Variants in AGPAT2 observed in about 807,000 individuals in gnomAD.
AGPAT2 encodes the protein 1-acylglycerol-3-phosphate O-acyltransferase 2.
In AGPAT2, 18 loss-of-function variants were observed where a neutral mutation model predicts 26.1. That is an observed-to-expected ratio of 0.69 (90% CI 0.48 to 1.02). The LOEUF (loss-of-function observed/expected upper bound fraction) is 1.02. Among genes scored for constraint, AGPAT2 ranks in the 50% least tolerant of loss-of-function variants. AGPAT2 has a pLI of 0.00. For missense variants in AGPAT2, 415 were observed against 394.9 expected (o/e 1.05, Z -0.43); for synonymous variants, 200 against 174.2 (o/e 1.15, Z -1.16).
chr9:136,673,735 C>A lies in AGPAT2; in HGVS notation c.*17G>T, dbSNP rs768871491. The A allele has an allele frequency of 6.4e-7, 1 of 1,561,362 alleles. No homozygotes were observed. The highest frequency in any genetic ancestry group is 1.2e-5 in the South Asian group (1 of 84,916). On this transcript the variant is annotated 3_prime_UTR_variant, in exon 6 of 6. Transcript: ENST00000371696. ...TTCCACCTGCCCTCCCCAGGTCATG[C>A]CCTGCCGTGGTCTGGGCTACTGGGC...
At chr9:136,681,694 C>T (rs1441458935) in intron 1 of AGPAT2, among the ~76,000 whole-genome samples, 4 of 152,098 alleles carry the variant, frequency 2.6e-5, no homozygotes, top group East Asian at 3.9e-4. Flanking sequence ...CCCAGCTACT[C>T]GGGAGGCTGA....
intron 4 of AGPAT2, among the ~76,000 whole-genome samples, chr9:136,675,438 G>C (rs1846079188): frequency 1.7e-5 from 1 of 57,386 alleles, no homozygotes; most frequent in African/African-American, 5.2e-5. Context: ...GCAGCAGGAA[G>C]GGAGGAGGCC....
chr9:136,684,934 G>A (rs756894227), intron 1 of AGPAT2, among the ~76,000 whole-genome samples: 27 of 152,246 alleles, frequency 1.8e-4, no homozygotes, highest in Admixed American at 1.2e-3. Context: ...GTGACAAAGC[G>A]CCTGCTCTTC....
chr9:136,680,994 C>T (rs1236699845), intron 1 of AGPAT2, among the ~76,000 whole-genome samples: 2 of 152,176 alleles, frequency 1.3e-5, no homozygotes, highest in Admixed American at 1.3e-4. Context: ...GTATAACACG[C>T]ACCACCTAAA....
At chr9:136,678,919 G>T (rs1165953171) in intron 1 of AGPAT2, among the ~76,000 whole-genome samples, 1 of 152,088 alleles carries the variant, frequency 6.6e-6, no homozygotes, top group East Asian at 1.9e-4. Context: ...CACCTCGCTA[G>T]TTTTTGTATT....
At position 136,673,474 on chromosome 9, in the gene AGPAT2, C is replaced by T. The variant is rs973705199; in HGVS notation, c.*278G>A. 4 of 342,120 alleles carry T rather than the reference C, an allele frequency of 1.2e-5. No individual in the cohort carries two copies. The highest frequency in any genetic ancestry group is 9.3e-5 in the East Asian group (2 of 21,564). 21.2% of individuals were successfully genotyped at this position (342,120 alleles called of 1,614,324 possible). A position where few individuals can be genotyped will look rare whatever the true frequency, so the allele number is the denominator to read the frequency against. ...GCTCAGCCCACCAGCGGGCCACAGC[C>T]GCAAGCCTCATCTTTATCATCCCAG... On this transcript the variant is annotated 3_prime_UTR_variant, in exon 6 of 6. Transcript: ENST00000371696.
rs201263144 is a variant in AGPAT2, at chr9:136,677,415, C to T, written c.316+8G>A. The T allele has an allele frequency of 1.8e-5, 29 of 1,613,198 alleles. No individual in the cohort carries two copies. Among genetic ancestry groups the T allele is most frequent in the South Asian group, 1.6e-4 (15 of 91,088 alleles). On this transcript the variant is annotated splice_region_variant and intron_variant, in intron 2 of 5. Coordinates refer to ENST00000371696, the MANE Select transcript of AGPAT2 (RefSeq NM_006412.4). ...AACCCCAGAAGCCACCCCCGAGGCC[C>T]GGCCTACCCATCATGTCCAGGATGC...
Position 136,683,152 on chromosome 9 carries a change from GGC to G in AGPAT2, c.182+4022_182+4023del, listed in dbSNP as rs369907455. Among the ~76,000 whole-genome samples, 115 of 152,188 alleles carry G rather than the reference GGC, an allele frequency of 7.6e-4. No homozygotes were observed. The East Asian group carries it at 0.018, about 23-fold the overall frequency. On this transcript the variant is annotated intron_variant, in intron 1 of 5. Transcript: ENST00000371696. The stretch of plus-strand genomic sequence containing the variant: ...TGACCCCAGCACTTTGGGAGGCTGA[GGC>G]AGACGGATCACTTGAGCTCAGGGGT...
At chr9:136,686,624 T>C (rs1004962970) in intron 1 of AGPAT2, among the ~76,000 whole-genome samples, 4 of 151,388 alleles carry the variant, frequency 2.6e-5, no homozygotes, top group African/African-American at 9.7e-5. Context: ...CCCCTCCGGG[T>C]CCCCCACCTC....
chr9:136,687,141 G>A (rs1279277026), intron 1 of AGPAT2, 35 bp downstream of exon 1: 1 of 1,562,164 alleles, frequency 6.4e-7, no homozygotes, highest in Non-Finnish European at 8.6e-7. Flanking sequence ...CGGCGCGGCG[G>A]TTCCCCGGCC....
In AGPAT2 at chr9:136,677,051, G is replaced by T; in HGVS notation, c.402C>A (p.Tyr134Ter). The T allele has an allele frequency of 6.2e-7, 1 of 1,613,240 alleles. No individual in the cohort carries two copies. The highest frequency in any genetic ancestry group is 8.5e-7 in the Non-Finnish European group (1 of 1,179,994). Residue 134 changes from tyrosine (Y) to a stop codon, truncating the protein, a stop_gained, in exon 3 of 6, where the codon TAC becomes TAA. Coordinates refer to ENST00000371696, the MANE Select transcript of AGPAT2 (RefSeq NM_006412.4). LOFTEE classifies it high-confidence loss of function. ...LFLGPVGLIM[Y>*]LGGVFFINRQ... Reference sequence around the variant, plus strand: ...GGTTGATGAAGAAGACGCCCCCGAGGTACATGATGAGGCCCACGGGCCCCA... The same window carrying T: ...GGTTGATGAAGAAGACGCCCCCGAGTTACATGATGAGGCCCACGGGCCCCA...
chr9:136,674,914 C>T (rs763239676), intron 4 of AGPAT2, 107 bp from the exon 5 acceptor site: 15 of 692,380 alleles, frequency 2.2e-5, no homozygotes, highest in African/African-American at 5.6e-5. Context: ...CCACCCCTGC[C>T]TTCGCTGCTG....
chr9:136,674,622 C>T (rs929272469), intron 5 of AGPAT2, 113 bp downstream of exon 5: 40 of 740,964 alleles, frequency 5.4e-5, no homozygotes, highest in African/African-American at 4.9e-4. Flanking sequence ...ACATGGTCAC[C>T]GTGTGGCCAC....
intron 1 of AGPAT2, among the ~76,000 whole-genome samples, chr9:136,680,892 C>T (rs1289571862): frequency 6.6e-6 from 1 of 151,856 alleles, no homozygotes; most frequent in Non-Finnish European, 1.5e-5. Flanking sequence ...GTCTCAAACT[C>T]CTGACCTCAT....
At chr9:136,679,551 G>C (rs1465162023) in intron 1 of AGPAT2, among the ~76,000 whole-genome samples, 3 of 152,132 alleles carry the variant, frequency 2.0e-5, no homozygotes, top group Non-Finnish European at 4.4e-5. Flanking sequence ...CTGCAGGGCT[G>C]TTTTGCCTCC....
At chr9:136,679,361 C>T (rs560202503) in intron 1 of AGPAT2, among the ~76,000 whole-genome samples, 1 of 152,278 alleles carries the variant, frequency 6.6e-6, no homozygotes, top group South Asian at 2.1e-4. Flanking sequence ...CAAGGGGGGC[C>T]TAATGGTTAA....
intron 1 of AGPAT2, among the ~76,000 whole-genome samples, chr9:136,678,685 G>C (rs1846123282): frequency 6.6e-6 from 1 of 152,220 alleles, no homozygotes; most frequent in African/African-American, 2.4e-5. Flanking sequence ...CCACAGAGCA[G>C]AGATTCAAAG....
chr9:136,673,866 G>A lies in AGPAT2; in HGVS notation c.723C>T (p.Val241=), dbSNP rs1488868483. Residue 241 remains valine, a synonymous_variant, in exon 6 of 6, where the codon GTC becomes GTT. Transcript: ENST00000371696. The stretch of plus-strand genomic sequence containing the variant: ...GGTGGCAGGTGTCCACGAGCGCAGG[G>A]ACGTCCGCCGCAGTGAGGCCGCTGG... ...IPTSGLTAAD[V]PALVDTCHRA... The A allele has an allele frequency of 1.9e-6, 3 of 1,604,550 alleles. No homozygotes were observed. The highest frequency in any genetic ancestry group is 1.1e-5 in the South Asian group (1 of 89,522).
Position 136,674,240 on chromosome 9 carries a change from C to T in AGPAT2, c.662-313G>A, listed in dbSNP as rs977582686. The stretch of plus-strand genomic sequence containing the variant: ...CCTGGCCTCTGCCCTCCATACGGGG[C>T]GAGGGGCTGTGGGAGAGATGGAGCT... On this transcript the variant is annotated intron_variant, in intron 5 of 5. Coordinates refer to ENST00000371696, the MANE Select transcript of AGPAT2 (RefSeq NM_006412.4). Among the ~76,000 whole-genome samples, 9 of 152,336 alleles carry T rather than the reference C, an allele frequency of 5.9e-5. No homozygotes were observed. The East Asian group carries it at 9.6e-4, about 16-fold the overall frequency.
Sources: gnomAD v4.1 joint callset for allele counts (sites outside exome capture counted in the v4.1 genomes callset) on GRCh38, gnomAD v4.1.1 for gene constraint, MANE v1.5 for transcripts, NCBI Gene and HGNC (gene_info 2026-07-23, HGNC 2026-07-21) for gene names.